TCF4: variants seen among roughly 807,000 people sequenced by gnomAD.
The protein encoded by TCF4 is transcription factor 4, also known as SL3-3 enhancer factor 2.
Under a neutral mutation model 82.1 loss-of-function variants are expected in TCF4, and 3 were observed. That is an observed-to-expected ratio of 0.04 (90% CI 0.02 to 0.09). The LOEUF (loss-of-function observed/expected upper bound fraction) is 0.09. Among genes scored for constraint, TCF4 ranks in the 10% least tolerant of loss-of-function variants. The pLI is 1.00. For synonymous variants in TCF4, 276 were observed against 309.6 expected (o/e 0.89, Z 1.14); for missense variants, 518 against 852.7 (o/e 0.61, Z 4.89).
At chr18:55,317,875 C>T (rs1019161960) in intron 8 of TCF4, among the ~76,000 whole-genome samples, 5 of 152,028 alleles carry the variant, frequency 3.3e-5, no homozygotes, top group Non-Finnish European at 5.9e-5. Context: ...ACTTTATGGA[C>T]TTGAAAAGCT....
At chr18:55,573,309 A>C (rs911958744) in intron 3 of TCF4, among the ~76,000 whole-genome samples, 2 of 152,012 alleles carry the variant, frequency 1.3e-5, no homozygotes, top group South Asian at 2.1e-4. Context: ...AAAAAAAAAA[A>C]AAAAAACAAG....
rs1033093501 is a variant in TCF4, at chr18:55,573,311, A to C, written c.145+11969T>G. Among the ~76,000 whole-genome samples, 18 of 152,136 alleles carry C rather than the reference A, an allele frequency of 1.2e-4. No individual in the cohort carries two copies. In the East Asian group the frequency reaches 3.5e-3, roughly 29 times the overall value. On this transcript the variant is annotated intron_variant, in intron 3 of 19. Transcript: ENST00000354452. The stretch of plus-strand genomic sequence containing the variant: ...AGGAAGTTTCACCAAAAAAAAAAAA[A>C]AAAACAAGTAGCCACTATGAATGCT...
At chr18:55,250,393 A>T (rs1012518413) in intron 15 of TCF4, among the ~76,000 whole-genome samples, 2 of 152,218 alleles carry the variant, frequency 1.3e-5, no homozygotes, top group Non-Finnish European at 2.9e-5. Context: ...TTGCCAACCA[A>T]CACTTATCAA....
intron 5 of TCF4, among the ~76,000 whole-genome samples, chr18:55,459,941 T>C (rs1354321321): frequency 2.6e-5 from 4 of 152,158 alleles, no homozygotes; most frequent in Admixed American, 6.6e-5. Flanking sequence ...ATTTATCTGC[T>C]TTGACTATTT....
chr18:55,444,737 G>T (rs956004081), intron 5 of TCF4, among the ~76,000 whole-genome samples: 3 of 152,088 alleles, frequency 2.0e-5, no homozygotes, highest in African/African-American at 2.4e-5. Context: ...TGCCAAATCT[G>T]CAATCCCAAA....
rs1471267833 is a variant in TCF4 at position 55,510,603 on chromosome 18, T to A, written c.146-46466A>T. On this transcript the variant is annotated intron_variant, in intron 3 of 19. Coordinates refer to ENST00000354452, the MANE Select transcript of TCF4 (RefSeq NM_001083962.2). ...CCTCTGCTGTCCTCTTCCATATGAA[T>A]AGGAAGTAATAAATTCCCCCAATAT... 3.3e-6 allele frequency: 5 copies of A among 1,514,236 alleles called. No homozygotes were observed. In the East Asian group the frequency reaches 1.2e-4, roughly 38 times the overall value. 93.8% of individuals were successfully genotyped at this position (1,514,236 alleles called of 1,614,324 possible). A position where few individuals can be genotyped will look rare whatever the true frequency, so the allele number is the denominator to read the frequency against.
rs144590018 is a variant in TCF4, at chr18:55,278,693, C to T, written c.655+858G>A. On this transcript the variant is annotated intron_variant, in intron 9 of 19. Coordinates refer to ENST00000354452, the MANE Select transcript of TCF4 (RefSeq NM_001083962.2). ...ATGCCATTCTTCTGCCTCAGCCTCCCGAGTAGCTGGGACTACAGGTGCCCA... is the reference window on the plus strand; with the variant it reads ...ATGCCATTCTTCTGCCTCAGCCTCCTGAGTAGCTGGGACTACAGGTGCCCA... 3.8e-3 allele frequency among the ~76,000 whole-genome samples: 584 copies of T among 152,226 alleles called. 9 individuals carry two copies. The highest frequency in any genetic ancestry group is 0.03 in the East Asian group (156 of 5,190).
At chr18:55,337,147 C>T (rs550781865) in intron 8 of TCF4, among the ~76,000 whole-genome samples, 52 of 152,048 alleles carry the variant, frequency 3.4e-4, no homozygotes, top group Middle Eastern at 3.4e-3. Flanking sequence ...GCTAATTTTA[C>T]GTGAGAATGT....
chr18:55,275,692 G>A lies in TCF4; in HGVS notation c.716C>T (p.Ala239Val), dbSNP rs2061377351. Reference protein sequence around the residue: ...SSSGMNQPGYAGMLGNSSHIP... With the variant: ...SSSGMNQPGYVGMLGNSSHIP... The stretch of plus-strand genomic sequence containing the variant: ...ATGAGAAGAGTTGCCCAACATTCCT[G>A]CATAGCCAGGCTGATTCATCCCACT... The change falls in exon 10 of 20, where the codon GCA becomes GTA. Residue 239 changes from alanine to valine, a missense_variant. Physicochemically the swap from Ala to Val is moderately conservative, Grantham distance 64 (BLOSUM62 0). Coordinates refer to ENST00000354452, the MANE Select transcript of TCF4 (RefSeq NM_001083962.2). 2 of 1,613,914 alleles carry A rather than the reference G, an allele frequency of 1.2e-6. No individual in the cohort carries two copies. The highest frequency in any genetic ancestry group is 1.7e-6 in the Non-Finnish European group (2 of 1,179,822).
intron 8 of TCF4, among the ~76,000 whole-genome samples, chr18:55,317,055 A>G (rs142629537): frequency 2.3e-4 from 35 of 152,174 alleles, no homozygotes; most frequent in African/African-American, 7.7e-4. Context: ...TGTAGCCACA[A>G]TGTCAAGATT....
intron 3 of TCF4, among the ~76,000 whole-genome samples, chr18:55,575,320 C>G (rs1568438269): frequency 6.6e-6 from 1 of 152,156 alleles, no homozygotes; most frequent in Non-Finnish European, 1.5e-5. Context: ...AACAATTATT[C>G]AAACAAGCAT....
At position 55,232,644 on chromosome 18, in the gene TCF4, C is replaced by T; in HGVS notation, c.1514G>A (p.Ser505Asn). 6.2e-7 allele frequency: 1 copy of T among 1,614,198 alleles called. No individual in the cohort carries two copies. The highest frequency in any genetic ancestry group is 8.5e-7 in the Non-Finnish European group (1 of 1,180,022). ...RGMPPGLQGQ[S>N]VSSGSSEIKS... ...GATCTCAGAGCTGCCAGAGGAGACACTCTGCCCCTGTAGTCCTGGTGGCAT... is the reference window on the plus strand; with the variant it reads ...GATCTCAGAGCTGCCAGAGGAGACATTCTGCCCCTGTAGTCCTGGTGGCAT... Residue 505 changes from serine to asparagine, a missense_variant, in exon 17 of 20, where the codon AGT (serine) becomes AAT (asparagine). Around this residue, in one of 7 missense-constraint regions of TCF4, gnomAD observed 144 missense variants for 190.2 expected, o/e 0.76. Transcript: ENST00000354452.
chr18:55,229,316 T>C (rs1225224087), intron 17 of TCF4: 1 of 541,318 alleles, frequency 1.8e-6, no homozygotes, highest in Non-Finnish European at 3.3e-6. Flanking sequence ...GAGGGTGACG[T>C]AGATTAAAGT....
chr18:55,566,971 AG>A (rs1241226377), intron 3 of TCF4, among the ~76,000 whole-genome samples: 1 of 152,204 alleles, frequency 6.6e-6, no homozygotes, highest in African/African-American at 2.4e-5. Context: ...GTCAGGGAAA[AG>A]GGTAGATCTA....
chr18:55,254,475 G>A lies in TCF4; in HGVS notation c.1350+22C>T, dbSNP rs1364141283. 3.7e-6 allele frequency: 6 copies of A among 1,607,110 alleles called. No homozygotes were observed. The African/African-American group carries it at 4.0e-5, about 11-fold the overall frequency. On this transcript the variant is annotated intron_variant, in intron 15 of 19. Coordinates refer to ENST00000354452, the MANE Select transcript of TCF4 (RefSeq NM_001083962.2). Reference sequence around the variant, plus strand: ...TCTAACTCTATATGATAACTATAGAGTCTATAAATTTCATCACTTACCATG... The same window carrying A: ...TCTAACTCTATATGATAACTATAGAATCTATAAATTTCATCACTTACCATG...
At chr18:55,469,872 CCA>C (rs2096134539) in intron 3 of TCF4, among the ~76,000 whole-genome samples, 1 of 152,114 alleles carries the variant, frequency 6.6e-6, no homozygotes. Flanking sequence ...GACAACTCTC[CCA>C]CAGAAAACTA....
chr18:55,519,926 A>T (rs2096919126), intron 3 of TCF4, among the ~76,000 whole-genome samples: 1 of 152,200 alleles, frequency 6.6e-6, no homozygotes, highest in Non-Finnish European at 1.5e-5. Context: ...GAAGCACTTC[A>T]CTTCTTTCTT....
chr18:55,384,058 A>G (rs1277846826), intron 6 of TCF4: 4 of 152,224 alleles, frequency 2.6e-5, no homozygotes, highest in African/African-American at 9.6e-5. Context: ...AGTCACCTTA[A>G]AAAGTGACTT....
At chr18:55,628,421 T>C (rs1398191985) in intron 2 of TCF4, among the ~76,000 whole-genome samples, 1 of 152,206 alleles carries the variant, frequency 6.6e-6, no homozygotes, top group East Asian at 1.9e-4. Context: ...TTAATTCTTT[T>C]TAAAAAAACT....
Sources: allele counts gnomAD v4.1 joint callset (sites outside exome capture counted in the v4.1 genomes callset), GRCh38; gene constraint gnomAD v4.1.1; regional missense constraint gnomAD v4.1.1; transcripts MANE v1.5; gene names NCBI Gene and HGNC (gene_info 2026-07-23, HGNC 2026-07-21).